ZNF675: variants seen among roughly 807,000 people sequenced by gnomAD.
The protein encoded by ZNF675 is TRAF6 inhibitory zinc finger.
ZNF675 carries 36 observed loss-of-function variants against 56.1 expected under a neutral mutation model. The ratio of observed to expected loss-of-function variants is 0.64; its 90% confidence interval spans 0.49 to 0.85. The LOEUF (loss-of-function observed/expected upper bound fraction) is 0.85. Ranked by LOEUF, ZNF675 falls within the 40% of genes least tolerant of loss-of-function variation. The pLI, the probability that ZNF675 is intolerant of heterozygous loss-of-function variation, is 0.00. For missense variants in ZNF675, 663 were observed against 654.2 expected, an observed-to-expected ratio of 1.01 and a Z score of -0.15; for synonymous variants, 200 against 218.9, an observed-to-expected ratio of 0.91 and a Z score of 0.76.
chr19:23,678,251 C>G (rs1309783854), intron 1 of ZNF675, among the ~76,000 whole-genome samples: 1 of 134,014 alleles, frequency 7.5e-6, no homozygotes, highest in Non-Finnish European at 1.5e-5. Context: ...ATGAAACTAT[C>G]AAAAATATTC....
Position 23,687,157 on chromosome 19 carries a change from G to T in ZNF675, c.-124C>A. On this transcript the variant is annotated 5_prime_UTR_variant, in exon 1 of 4. Transcript: ENST00000359788. ...CAGAGCAATGAAAGCGAGACCTGGA[G>T]CTCCGGCTGCAGCGAGAGACAAAGG... The T allele has an allele frequency of 8.3e-7, 1 of 1,201,968 alleles. No homozygotes were observed. Among genetic ancestry groups the T allele is most frequent in the Non-Finnish European group, 1.2e-6 (1 of 824,542 alleles). 74.5% of individuals were successfully genotyped at this position (1,201,968 alleles called of 1,614,324 possible).
intron 1 of ZNF675, among the ~76,000 whole-genome samples, chr19:23,668,812 G>A (rs1332609348): frequency 6.6e-6 from 1 of 152,048 alleles, no homozygotes; most frequent in Non-Finnish European, 1.5e-5. Flanking sequence ...GGCCGGCCGG[G>A]GGCTCCGAGT....
chr19:23,681,481 G>C (rs913480991), intron 1 of ZNF675, among the ~76,000 whole-genome samples: 1 of 151,694 alleles, frequency 6.6e-6, no homozygotes, highest in Non-Finnish European at 1.5e-5. Context: ...GTGTACAGGA[G>C]AGCAGAGCCT....
At chr19:23,671,779 T>C (rs76903936) in intron 1 of ZNF675, among the ~76,000 whole-genome samples, 1,663 of 151,906 alleles carry the variant, frequency 0.011, 36 homozygotes, top group African/African-American at 0.038. Flanking sequence ...ATTTATCTAA[T>C]GGTCATATGA....
At chr19:23,684,648 A>T (rs1449663927) in intron 1 of ZNF675, among the ~76,000 whole-genome samples, 1 of 151,980 alleles carries the variant, frequency 6.6e-6, no homozygotes, top group African/African-American at 2.4e-5. Flanking sequence ...CCATCTCAAA[A>T]AAAAAAGAAA....
intron 3 of ZNF675, among the ~76,000 whole-genome samples, chr19:23,657,682 A>C (rs1396152333): frequency 6.6e-6 from 1 of 152,186 alleles, no homozygotes; most frequent in Non-Finnish European, 1.5e-5. Flanking sequence ...ACACCACTGC[A>C]CTCCAGCCTG....
intron 1 of ZNF675, among the ~76,000 whole-genome samples, chr19:23,673,617 A>T (rs933054421): frequency 2.6e-5 from 4 of 152,210 alleles, no homozygotes; most frequent in Non-Finnish European, 4.4e-5. Flanking sequence ...ATATGTTTCT[A>T]TCATATCTGG....
intron 3 of ZNF675, chr19:23,655,058 C>A (rs6511466): frequency 0.97 from 156,798 of 161,222 alleles, 76,415 homozygotes; most frequent in Middle Eastern, 1. Context: ...ACATAGTGAA[C>A]CCGCATCTCT....
chr19:23,685,185 G>C (rs764947002), intron 1 of ZNF675, among the ~76,000 whole-genome samples: 5 of 152,036 alleles, frequency 3.3e-5, no homozygotes, highest in African/African-American at 1.2e-4. Flanking sequence ...GGCTGGTCGC[G>C]AACTCCTGAC....
In ZNF675 at chr19:23,671,674, G is replaced by A. The variant is rs576414582; in HGVS notation, c.4-8516C>T. 4.0e-5 allele frequency among the ~76,000 whole-genome samples: 6 copies of A among 151,786 alleles called. No individual in the cohort carries two copies. The South Asian group carries it at 8.4e-4, about 21-fold the overall frequency. On this transcript the variant is annotated intron_variant, in intron 1 of 3. Coordinates refer to ENST00000359788, the MANE Select transcript of ZNF675 (RefSeq NM_138330.3). ...CTCACTGCCCCTGTCTAGGAACATC[G>A]TAGCAACCACATCATGCCCAATTCA... is the stretch of plus-strand genomic sequence containing the variant.
At position 23,654,525 on chromosome 19, in the gene ZNF675, TAA is replaced by T. The variant is rs1195922944; in HGVS notation, c.406_407del (p.Leu136ThrfsTer11). On this transcript the variant is annotated frameshift_variant, in exon 4 of 4. Coordinates refer to ENST00000359788, the MANE Select transcript of ZNF675 (RefSeq NM_138330.3). LOFTEE classifies it high-confidence loss of function. The stretch of plus-strand genomic sequence containing the variant: ...GAAACATTTTGCTCTGCATAGTTGG[TAA>T]ACATTGGTTAAGTCCATTATAACCT... ...KGGYNGLNQC[L>X]PTMQSKMFQC... The T allele has an allele frequency of 1.2e-6, 2 of 1,605,664 alleles. No homozygotes were observed. The highest frequency in any genetic ancestry group is 4.5e-5 in the East Asian group (2 of 44,734).
intron 1 of ZNF675, among the ~76,000 whole-genome samples, chr19:23,671,276 T>C (rs1968223509): frequency 6.6e-6 from 1 of 152,148 alleles, no homozygotes; most frequent in Non-Finnish European, 1.5e-5. Flanking sequence ...AACCAGCTTC[T>C]TGATACAATG....
intron 3 of ZNF675, chr19:23,655,667 T>C (rs1349842752): frequency 6.6e-6 from 1 of 152,100 alleles, no homozygotes; most frequent in Non-Finnish European, 1.5e-5. Context: ...CATTGCAATA[T>C]GAGGTTTGGA....
At chr19:23,678,174 A>T (rs991099885) in intron 1 of ZNF675, among the ~76,000 whole-genome samples, 1 of 151,734 alleles carries the variant, frequency 6.6e-6, no homozygotes, top group Non-Finnish European at 1.5e-5. Context: ...TTTTGTGCTC[A>T]TTGATAGAAA....
chr19:23,676,139 C>A (rs1376660675), intron 1 of ZNF675, among the ~76,000 whole-genome samples: 1 of 151,454 alleles, frequency 6.6e-6, no homozygotes, highest in Admixed American at 6.6e-5. Context: ...TACCTCCTCC[C>A]TAGACTGAAC....
chr19:23,654,166 T>C lies in ZNF675; in HGVS notation c.767A>G (p.Tyr256Cys). The change falls in exon 4 of 4, where the codon TAC (tyrosine) becomes TGC (cysteine). Residue 256 changes from tyrosine (Y) to cysteine (C), a missense_variant. By Grantham distance (194) the Tyr-to-Cys change is radical. Transcript: ENST00000359788. ...YKKDYAREKP[Y>C]KCEECGKAFN... ...GGCTTTGCCACATTCTTCACATTTG[T>C]ATGGTTTCTCTCGAGCATAATCTTT... 6.2e-7 allele frequency: 1 copy of C among 1,614,082 alleles called. No individual in the cohort carries two copies. The highest frequency in any genetic ancestry group is 1.3e-5 in the African/African-American group (1 of 75,068).
chr19:23,654,903 A>C, intron 3 of ZNF675, 197 bp from the exon 4 acceptor site: 1 of 445,078 alleles, frequency 2.2e-6, no homozygotes. Context: ...TTTACCCAAC[A>C]CAGCTTTTTC....
chr19:23,656,696 G>A (rs1967989074), intron 3 of ZNF675: 1 of 151,408 alleles, frequency 6.6e-6, no homozygotes, highest in African/African-American at 2.4e-5. Context: ...AACATTTTAA[G>A]ATAAACTTTG....
chr19:23,672,210 TC>T (rs1968235922), intron 1 of ZNF675, among the ~76,000 whole-genome samples: 4 of 143,572 alleles, frequency 2.8e-5, no homozygotes, highest in Admixed American at 2.2e-4. Flanking sequence ...AATACTCTAC[TC>T]CAGTTAGTTA....
Sources: gnomAD v4.1 joint callset for allele counts (sites outside exome capture counted in the v4.1 genomes callset) on GRCh38, gnomAD v4.1.1 for gene constraint, MANE v1.5 for transcripts, NCBI Gene and HGNC (gene_info 2026-07-23, HGNC 2026-07-21) for gene names.